Variants in NDUFS6 observed in about 807,000 individuals in gnomAD.
NDUFS6 encodes the protein NADH dehydrogenase [ubiquinone] iron-sulfur protein 6, mitochondrial.
In NDUFS6, 14 loss-of-function variants were observed where a neutral mutation model predicts 13.2. The observed-to-expected ratio is 1.06, with a 90% CI of 0.70 to 1.66. The LOEUF (loss-of-function observed/expected upper bound fraction) is 1.66, where lower values mean the gene tolerates loss of function less well. NDUFS6 is among the 40% of genes most tolerant of loss of function. The pLI is 0.00. For synonymous variants in NDUFS6, 95 were observed against 72.3 expected (o/e 1.31, Z -1.60); for missense variants, 206 against 170.8 (o/e 1.21, Z -1.15).
Position 1,814,605 on chromosome 5 carries a change from A to T in NDUFS6, c.309+144A>T. 1 of 1,260,150 alleles carries T rather than the reference A, an allele frequency of 7.9e-7. No individual in the cohort carries two copies. Among genetic ancestry groups the T allele is most frequent in the Non-Finnish European group, 1.1e-6 (1 of 891,258 alleles). 78.1% of individuals were successfully genotyped at this position (1,260,150 alleles called of 1,614,324 possible). On this transcript the variant is annotated intron_variant, in intron 3 of 3. Coordinates refer to ENST00000274137, the MANE Select transcript of NDUFS6 (RefSeq NM_004553.6). The surrounding 1 kb of genome is among the most constrained non-coding windows in gnomAD (Gnocchi z 4.9). ...CGGGGTTCACACTGCTGGCACATTC[A>T]CCCTACAGCGCCACACTACAGGGCC...
intron 3 of NDUFS6, among the ~76,000 whole-genome samples, chr5:1,815,309 A>C (rs955579341): frequency 2.0e-5 from 3 of 152,098 alleles, no homozygotes; most frequent in Non-Finnish European, 4.4e-5. Flanking sequence ...ACAGTGGAGC[A>C]CTCAGGGACT....
Position 1,801,443 on chromosome 5 carries a change from G to A in NDUFS6, c.26G>A (p.Arg9Gln), listed in dbSNP as rs747196556. The change falls in exon 1 of 4, where the codon CGG becomes CAG. Residue 9 changes from arginine (R) to glutamine (Q), a missense_variant. Physicochemically the swap from Arg to Gln is conservative, Grantham distance 43. Coordinates refer to ENST00000274137, the MANE Select transcript of NDUFS6 (RefSeq NM_004553.6). ...ATGGCGGCGGCGATGACCTTCTGCCGGCTGCTGAACCGGTGTGGCGAGGCG... is the reference window on the plus strand; with the variant it reads ...ATGGCGGCGGCGATGACCTTCTGCCAGCTGCTGAACCGGTGTGGCGAGGCG... Reference protein sequence around the residue: MAAAMTFCRLLNRCGEAAR... With the variant: MAAAMTFCQLLNRCGEAAR... 5.6e-6 allele frequency: 9 copies of A among 1,605,064 alleles called. No homozygotes were observed. In the East Asian group the frequency reaches 1.6e-4, roughly 28 times the overall value.
At chr5:1,815,281 G>A (rs1282033489) in intron 3 of NDUFS6, among the ~76,000 whole-genome samples, 1 of 151,954 alleles carries the variant, frequency 6.6e-6, no homozygotes, top group Non-Finnish European at 1.5e-5. Flanking sequence ...GGGGTGCAGG[G>A]AGAGGGGGAG....
intron 2 of NDUFS6, among the ~76,000 whole-genome samples, chr5:1,804,453 AC>A (rs1356573159): frequency 6.6e-6 from 1 of 152,222 alleles, no homozygotes; most frequent in Non-Finnish European, 1.5e-5. Context: ...CCGGCAGCTC[AC>A]CCAGGGCGTC....
At chr5:1,813,434 G>T (rs1017437707) in intron 2 of NDUFS6, among the ~76,000 whole-genome samples, 1 of 152,156 alleles carries the variant, frequency 6.6e-6, no homozygotes, top group Non-Finnish European at 1.5e-5. Context: ...CCTCACAGTA[G>T]TAACTGTTCA....
At chr5:1,812,178 A>G (rs2111358793) in intron 2 of NDUFS6, among the ~76,000 whole-genome samples, 1 of 152,178 alleles carries the variant, frequency 6.6e-6, no homozygotes, top group South Asian at 2.1e-4. Flanking sequence ...GAAGGACTGG[A>G]GAGTGTGCAT....
chr5:1,815,296 C>T (rs535961578), intron 3 of NDUFS6, among the ~76,000 whole-genome samples: 1 of 152,058 alleles, frequency 6.6e-6, no homozygotes, highest in African/African-American at 2.4e-5. Context: ...GGGGAGGCCA[C>T]CGACAGTGGA....
intron 2 of NDUFS6, among the ~76,000 whole-genome samples, chr5:1,812,710 G>A (rs1378730328): frequency 6.6e-6 from 1 of 151,458 alleles, no homozygotes; most frequent in African/African-American, 2.4e-5. Context: ...TGGGCAGCAG[G>A]GGTCCTCATT....
chr5:1,814,134 C>T lies in NDUFS6; in HGVS notation c.187-205C>T, dbSNP rs1260879995. Among the ~76,000 whole-genome samples the T allele has an allele frequency of 1.3e-5, 2 of 152,192 alleles. No individual in the cohort carries two copies. The highest frequency in any genetic ancestry group is 4.8e-5 in the African/African-American group (2 of 41,440). ...TGTGCTGCTGGGATTCTTGCAGTGC[C>T]TCTCCGCGTTTGGAACTTTATTCCA... On this transcript the variant is annotated intron_variant, in intron 2 of 3. Coordinates refer to ENST00000274137, the MANE Select transcript of NDUFS6 (RefSeq NM_004553.6). The surrounding 1 kb of genome is among the most constrained non-coding windows in gnomAD (Gnocchi z 4.9).
At position 1,802,382 on chromosome 5, in the gene NDUFS6, A is replaced by G; in HGVS notation, c.186+8A>G. The G allele has an allele frequency of 6.2e-7, 1 of 1,612,832 alleles. No individual in the cohort carries two copies. On this transcript the variant is annotated splice_region_variant and intron_variant, in intron 2 of 3. Coordinates refer to ENST00000274137, the MANE Select transcript of NDUFS6 (RefSeq NM_004553.6). ...GTAGGTCGTCAGAAAGAGGTGAGTA[A>G]AAAATCTAGTGAAGAGAGGTAAGCT...
At chr5:1,802,838 G>C (rs1380365860) in intron 2 of NDUFS6, among the ~76,000 whole-genome samples, 1 of 152,136 alleles carries the variant, frequency 6.6e-6, no homozygotes, top group Non-Finnish European at 1.5e-5. Flanking sequence ...CATTGTAAGG[G>C]AAGATCAGTT....
In NDUFS6 at chr5:1,815,980, G is replaced by T. The variant is rs535005114; in HGVS notation, c.*64G>T. ...GCATTTCCGCGGGGAAGCTGAGCACGTGAAGCTCGCTGGTTCTGTGCGAAG... is the reference window on the plus strand; with the variant it reads ...GCATTTCCGCGGGGAAGCTGAGCACTTGAAGCTCGCTGGTTCTGTGCGAAG... On this transcript the variant is annotated 3_prime_UTR_variant, in exon 4 of 4. Coordinates refer to ENST00000274137, the MANE Select transcript of NDUFS6 (RefSeq NM_004553.6). The T allele has an allele frequency of 6.4e-7, 1 of 1,550,540 alleles. No individual in the cohort carries two copies. Among genetic ancestry groups the T allele is most frequent in the Non-Finnish European group, 8.9e-7 (1 of 1,122,124 alleles).
chr5:1,810,551 C>G (rs949383926), intron 2 of NDUFS6, among the ~76,000 whole-genome samples: 3 of 152,222 alleles, frequency 2.0e-5, no homozygotes, highest in Non-Finnish European at 2.9e-5. Context: ...TGAGCATCAT[C>G]AAATACATTA....
Position 1,814,540 on chromosome 5 carries a change from T to C in NDUFS6, c.309+79T>C, listed in dbSNP as rs775520118. ...TCCCCTTCACTCCCAGTGCCTGTTC[T>C]TTCTGTCCTCTTCTCTACCTGCTCC... On this transcript the variant is annotated intron_variant, in intron 3 of 3. Coordinates refer to ENST00000274137, the MANE Select transcript of NDUFS6 (RefSeq NM_004553.6). This position sits in a 1 kb window ranked among gnomAD's most constrained non-coding sequence, Gnocchi z 4.9. The C allele has an allele frequency of 4.7e-5, 76 of 1,606,590 alleles. 1 individual carries two copies. The South Asian group carries it at 4.7e-4, about 10-fold the overall frequency.
intron 2 of NDUFS6, among the ~76,000 whole-genome samples, chr5:1,803,092 T>C (rs1734075378): frequency 6.6e-6 from 1 of 152,196 alleles, no homozygotes; most frequent in African/African-American, 2.4e-5. Flanking sequence ...CTGGTGTTCT[T>C]CTTGTTAACA....
chr5:1,813,184 T>G (rs1734247930), intron 2 of NDUFS6, among the ~76,000 whole-genome samples: 1 of 152,182 alleles, frequency 6.6e-6, no homozygotes, highest in African/African-American at 2.4e-5. Context: ...TTCCCCACAC[T>G]GAAAATCCTG....
Position 1,814,346 on chromosome 5 carries a change from A to G in NDUFS6, c.194A>G (p.Glu65Gly). ...RFVGRQKEVN[E>G]NFAIDLIAEQ... is the part of the protein sequence containing the mutation. ...TCTTTCTTCTTGTTCCAGGTGAATG[A>G]AAACTTTGCCATTGATTTGATAGCA... The change falls in exon 3 of 4, where the codon GAA becomes GGA. Residue 65 changes from glutamate (E) to glycine (G), a missense_variant. Physicochemically the swap from Glu to Gly is moderately conservative, Grantham distance 98. Transcript: ENST00000274137. The surrounding 1 kb of genome is among the most constrained non-coding windows in gnomAD (Gnocchi z 4.9). 6.2e-7 allele frequency: 1 copy of G among 1,614,216 alleles called. No homozygotes were observed. The highest frequency in any genetic ancestry group is 8.5e-7 in the Non-Finnish European group (1 of 1,180,040).
intron 2 of NDUFS6, among the ~76,000 whole-genome samples, chr5:1,808,702 ATGT>A (rs1393550504): frequency 2.0e-5 from 3 of 152,258 alleles, no homozygotes; most frequent in East Asian, 1.9e-4. Context: ...AAGTTTGAAC[ATGT>A]TGTACAGACA....
At position 1,814,402 on chromosome 5, in the gene NDUFS6, G is replaced by T; in HGVS notation, c.250G>T (p.Val84Leu). The T allele has an allele frequency of 6.2e-7, 1 of 1,614,228 alleles. No individual in the cohort carries two copies. Among genetic ancestry groups the T allele is most frequent in the Non-Finnish European group, 8.5e-7 (1 of 1,180,044 alleles). Reference protein sequence around the residue: ...EQPVSEVETRVIACDGGGGAL... With the variant: ...EQPVSEVETRLIACDGGGGAL... ...GCCCGTGAGCGAGGTGGAGACTCGG[G>T]TGATAGCGTGCGATGGCGGCGGGGG... Residue 84 changes from valine to leucine, a missense_variant, in exon 3 of 4, where the codon GTG becomes TTG. Physicochemically the swap from Val to Leu is conservative, Grantham distance 32. Coordinates refer to ENST00000274137, the MANE Select transcript of NDUFS6 (RefSeq NM_004553.6). This position sits in a 1 kb window ranked among gnomAD's most constrained non-coding sequence, Gnocchi z 4.9.
Sources: allele counts gnomAD v4.1 joint callset (sites outside exome capture counted in the v4.1 genomes callset), GRCh38; gene constraint gnomAD v4.1.1; non-coding constraint Gnocchi (gnomAD v3.1); transcripts MANE v1.5; gene names NCBI Gene and HGNC (gene_info 2026-07-23, HGNC 2026-07-21).